Variants in SBF2 observed in about 807,000 individuals in gnomAD.
SBF2 encodes the protein myotubularin-related protein 13.
Under a neutral mutation model 225.2 loss-of-function variants are expected in SBF2, and 112 were observed. The observed-to-expected ratio is 0.50, with a 90% CI of 0.43 to 0.58. The LOEUF is 0.58. SBF2 is among the 20% of genes least tolerant of loss of function. The pLI, the probability that SBF2 is intolerant of heterozygous loss-of-function variation, is 0.00. For missense variants in SBF2, 1,996 were observed against 2,206.2 expected (o/e 0.90, Z 1.91); for synonymous variants, 763 against 773.3 (o/e 0.99, Z 0.22).
chr11:10,251,233 T>C (rs1278256953), intron 1 of SBF2, among the ~76,000 whole-genome samples: 1 of 152,188 alleles, frequency 6.6e-6, no homozygotes, highest in Non-Finnish European at 1.5e-5. Flanking sequence ...ACCCACATCA[T>C]GGGCCAGAAA....
intron 2 of SBF2, among the ~76,000 whole-genome samples, chr11:10,190,844 C>T (rs1301820720): frequency 6.6e-6 from 1 of 152,172 alleles, no homozygotes; most frequent in African/African-American, 2.4e-5. Context: ...TCTACATTTA[C>T]ACTAAAAGAC....
intron 2 of SBF2, among the ~76,000 whole-genome samples, chr11:10,055,836 A>G (rs1950237602): frequency 6.6e-6 from 1 of 152,192 alleles, no homozygotes; most frequent in Non-Finnish European, 1.5e-5. Flanking sequence ...ATAGTACACT[A>G]TCTTGGTAAT....
At chr11:10,190,467 A>ATCCGAATTAAAGTT (rs1170420875) in intron 2 of SBF2, among the ~76,000 whole-genome samples, 1 of 152,190 alleles carries the variant, frequency 6.6e-6, no homozygotes, top group Non-Finnish European at 1.5e-5. Context: ...TATTTTTAAA[A>ATCCGAATTAAAGTT]TCCATCCGAA....
intron 13 of SBF2, among the ~76,000 whole-genome samples, chr11:9,985,248 A>G (rs1165121974): frequency 6.6e-6 from 1 of 152,192 alleles, no homozygotes; most frequent in Non-Finnish European, 1.5e-5. Flanking sequence ...CTTAAGGTAA[A>G]GGGGTGGAAA....
At chr11:10,101,004 TG>T (rs1390542255) in intron 2 of SBF2, among the ~76,000 whole-genome samples, 2 of 152,166 alleles carry the variant, frequency 1.3e-5, no homozygotes, top group African/African-American at 4.8e-5. Context: ...TCGGAGTTCT[TG>T]GTTAGGGATC....
intron 14 of SBF2, among the ~76,000 whole-genome samples, 188 bp from the exon 15 acceptor site, chr11:9,964,070 G>T (rs1866749564): frequency 6.6e-6 from 1 of 152,062 alleles, no homozygotes; most frequent in African/African-American, 2.4e-5. Context: ...GGGCAACATA[G>T]CAAGACCCTT....
intron 6 of SBF2, among the ~76,000 whole-genome samples, chr11:10,011,688 C>T (rs990327293): frequency 2.0e-5 from 3 of 152,172 alleles, no homozygotes; most frequent in African/African-American, 7.2e-5. Context: ...TCAATGCCTT[C>T]TGGCTCCCGT....
At chr11:10,167,146 A>T (rs1955993918) in intron 2 of SBF2, among the ~76,000 whole-genome samples, 1 of 152,200 alleles carries the variant, frequency 6.6e-6, no homozygotes, top group Non-Finnish European at 1.5e-5. Flanking sequence ...TCTATAAAAT[A>T]CAAATATTTT....
intron 1 of SBF2, among the ~76,000 whole-genome samples, chr11:10,219,973 G>A (rs1437207753): frequency 6.6e-6 from 1 of 152,098 alleles, no homozygotes; most frequent in African/African-American, 2.4e-5. Context: ...TTCCAAAGAT[G>A]CTCCCACATT....
intron 2 of SBF2, among the ~76,000 whole-genome samples, chr11:10,099,141 A>G (rs990001434): frequency 2.0e-5 from 3 of 152,152 alleles, no homozygotes; most frequent in Non-Finnish European, 4.4e-5. Context: ...GACCAATCCA[A>G]AGAAAATTAC....
intron 2 of SBF2, among the ~76,000 whole-genome samples, chr11:10,077,575 G>C (rs1951170620): frequency 6.6e-6 from 1 of 152,162 alleles, no homozygotes; most frequent in African/African-American, 2.4e-5. Flanking sequence ...GGGAAAACTG[G>C]CAAGCCATAT....
Position 9,816,743 on chromosome 11 carries a change from G to A in SBF2, c.3978+97C>T, listed in dbSNP as rs948078610. On this transcript the variant is annotated intron_variant, in intron 29 of 39. Transcript: ENST00000256190. ...TTAACTCCAGGTTAAGAATCATGCT[G>A]TAAAAAAAATTCTAGCAAAGCTGGT... 9 of 1,213,112 alleles carry A rather than the reference G, an allele frequency of 7.4e-6. No homozygotes were observed. In the South Asian group the frequency reaches 1.2e-4, roughly 17 times the overall value. The allele number at this position is 1,213,112 out of a possible 1,614,324, so 75.1% of individuals were successfully genotyped here. A position where few individuals can be genotyped will look rare whatever the true frequency, so the allele number is the denominator to read the frequency against.
chr11:10,152,863 C>T (rs1205786161), intron 2 of SBF2, among the ~76,000 whole-genome samples: 1 of 151,928 alleles, frequency 6.6e-6, no homozygotes, highest in Non-Finnish European at 1.5e-5. Flanking sequence ...AAGGGGAATT[C>T]AAAGAGAAAG....
intron 35 of SBF2, among the ~76,000 whole-genome samples, chr11:9,788,577 G>A (rs1217588639): frequency 1.2e-4 from 18 of 145,006 alleles, no homozygotes; most frequent in African/African-American, 3.1e-4. Flanking sequence ...TTCTTGTAAC[G>A]CTGGAAAATC....
intron 2 of SBF2, among the ~76,000 whole-genome samples, chr11:10,078,540 A>G (rs538911007): frequency 6.6e-6 from 1 of 152,168 alleles, no homozygotes; most frequent in African/African-American, 2.4e-5. Flanking sequence ...CAGAAAACCA[A>G]ACACCACATG....
At chr11:10,217,473 T>C (rs1337814680) in intron 1 of SBF2, among the ~76,000 whole-genome samples, 3 of 152,308 alleles carry the variant, frequency 2.0e-5, no homozygotes, top group South Asian at 4.1e-4. Context: ...CTATATAACA[T>C]GGTAGAAAAT....
intron 2 of SBF2, among the ~76,000 whole-genome samples, chr11:10,067,361 G>A (rs1652918669): frequency 1.3e-5 from 2 of 152,046 alleles, no homozygotes; most frequent in South Asian, 4.1e-4. Flanking sequence ...TTTTTTGGTT[G>A]TGTGTTTGTT....
chr11:10,259,975 A>C (rs1384040598), intron 1 of SBF2, among the ~76,000 whole-genome samples: 1 of 152,180 alleles, frequency 6.6e-6, no homozygotes, highest in Non-Finnish European at 1.5e-5. Flanking sequence ...TAATGCCTGA[A>C]TCATATTAAT....
rs1418097396 is a variant in SBF2 at position 9,780,341 on chromosome 11, A to G, written c.*77T>C. ...TGGGATAACTTGTTGTCAGCTCCTC[A>G]AGGATCCATGCTTCTTTTTCTATCT... On this transcript the variant is annotated 3_prime_UTR_variant, in exon 40 of 40. Transcript: ENST00000256190. The G allele has an allele frequency of 7.7e-7, 1 of 1,301,026 alleles. No homozygotes were observed. Among genetic ancestry groups the G allele is most frequent in the Non-Finnish European group, 1.1e-6 (1 of 911,428 alleles). 80.6% of individuals were successfully genotyped at this position (1,301,026 alleles called of 1,614,324 possible). A position where few individuals can be genotyped will look rare whatever the true frequency, so the allele number is the denominator to read the frequency against.
Sources: allele counts gnomAD v4.1 joint callset (sites outside exome capture counted in the v4.1 genomes callset), GRCh38; gene constraint gnomAD v4.1.1; transcripts MANE v1.5; gene names NCBI Gene and HGNC (gene_info 2026-07-23, HGNC 2026-07-21).